The following ARHGEF28 variants were observed in gnomAD, a reference collection of about 807,000 sequenced individuals.
The protein encoded by ARHGEF28 is Rho guanine nucleotide exchange factor 28.
ARHGEF28 carries 152 observed loss-of-function variants against 206.6 expected under a neutral mutation model. The observed-to-expected ratio is 0.74, with a 90% confidence interval of 0.64 to 0.84. The LOEUF is 0.84. ARHGEF28 is among the 40% of genes least tolerant of loss of function. ARHGEF28 has a pLI of 0.00. For missense variants in ARHGEF28, 2,028 were observed against 2,073.2 expected (o/e 0.98, Z 0.42); for synonymous variants, 763 against 776.4 (o/e 0.98, Z 0.29).
At chr5:73,775,028 C>T (rs1356833289) in intron 5 of ARHGEF28, among the ~76,000 whole-genome samples, 2 of 152,240 alleles carry the variant, frequency 1.3e-5, no homozygotes, top group African/African-American at 4.8e-5. Flanking sequence ...ATTTTTGTTT[C>T]TCATTTGATC....
At chr5:73,703,162 C>CA (rs1561344423) in intron 2 of ARHGEF28, among the ~76,000 whole-genome samples, 2 of 152,184 alleles carry the variant, frequency 1.3e-5, no homozygotes, top group Admixed American at 1.3e-4. Flanking sequence ...AGGGAAAGCT[C>CA]AGTCAGTTTA....
intron 35 of ARHGEF28, among the ~76,000 whole-genome samples, chr5:73,916,493 G>C (rs977857956): frequency 6.6e-6 from 1 of 152,136 alleles, no homozygotes; most frequent in Non-Finnish European, 1.5e-5. Flanking sequence ...GGTTTCTTCC[G>C]AGGCCTCTCT....
At chr5:73,901,378 A>T (rs1460054579) in intron 31 of ARHGEF28, 94 bp downstream of exon 31, 2 of 944,420 alleles carry the variant, frequency 2.1e-6, no homozygotes, top group East Asian at 5.4e-5. Context: ...CAGTGGGGCA[A>T]AGGTGCTTTT....
At chr5:73,822,564 C>T (rs1047634647) in intron 9 of ARHGEF28, among the ~76,000 whole-genome samples, 1 of 152,172 alleles carries the variant, frequency 6.6e-6, no homozygotes, top group African/African-American at 2.4e-5. Flanking sequence ...CAGGAAAAAT[C>T]CTAAGAGAAC....
intron 7 of ARHGEF28, 97 bp from the exon 8 acceptor site, chr5:73,794,305 G>T: frequency 2.1e-6 from 2 of 958,022 alleles, no homozygotes; most frequent in Non-Finnish European, 3.2e-6. Context: ...TGTGCAGAAG[G>T]CTCCTGGGCA....
chr5:73,749,693 A>G (rs1259807543), intron 2 of ARHGEF28, 144 bp from the exon 3 acceptor site: 4 of 777,656 alleles, frequency 5.1e-6, no homozygotes, highest in Non-Finnish European at 8.2e-6. Flanking sequence ...TTGTTGTTGG[A>G]AGGAAGCACT....
chr5:73,737,682 T>C (rs920931900), intron 2 of ARHGEF28, among the ~76,000 whole-genome samples: 2 of 151,758 alleles, frequency 1.3e-5, no homozygotes, highest in African/African-American at 4.8e-5. Flanking sequence ...GTCCAGCTAA[T>C]TTTTTGTATT....
At chr5:73,739,804 C>T (rs1391173915) in intron 2 of ARHGEF28, among the ~76,000 whole-genome samples, 1 of 145,852 alleles carries the variant, frequency 6.9e-6, no homozygotes, top group East Asian at 2.0e-4. Context: ...GAACAAGGTC[C>T]TGTCTCTAAT....
intron 1 of ARHGEF28, among the ~76,000 whole-genome samples, chr5:73,665,506 C>T (rs549760433): frequency 2.9e-4 from 44 of 152,172 alleles, no homozygotes; most frequent in African/African-American, 1.0e-3. Flanking sequence ...TTGTCTTAGT[C>T]TGTTTTGTGC....
At chr5:73,895,913 G>A (rs1270806994) in intron 29 of ARHGEF28, among the ~76,000 whole-genome samples, 1 of 152,126 alleles carries the variant, frequency 6.6e-6, no homozygotes, top group Non-Finnish European at 1.5e-5. Context: ...TTATTTCCCA[G>A]TTGAGGAAAC....
intron 2 of ARHGEF28, among the ~76,000 whole-genome samples, chr5:73,748,178 C>T (rs1419298520): frequency 6.6e-6 from 1 of 152,076 alleles, no homozygotes; most frequent in East Asian, 1.9e-4. Flanking sequence ...TCATGTTAGA[C>T]ATTTGTTGTT....
At chr5:73,830,344 A>G (rs7717674) in intron 9 of ARHGEF28, among the ~76,000 whole-genome samples, 108,591 of 151,662 alleles carry the variant, frequency 0.72, 39,190 homozygotes, top group East Asian at 0.93. Flanking sequence ...ACGAGGTCAG[A>G]AGGTCGAGAC....
chr5:73,885,791 C>A, intron 24 of ARHGEF28, 59 bp from the exon 25 acceptor site: 1 of 1,484,272 alleles, frequency 6.7e-7, no homozygotes, highest in Non-Finnish European at 9.0e-7. Flanking sequence ...AGTTTTCTTC[C>A]TTAGTACTCT....
intron 1 of ARHGEF28, among the ~76,000 whole-genome samples, chr5:73,662,967 T>A (rs1033998414): frequency 1.3e-5 from 2 of 152,244 alleles, no homozygotes; most frequent in Non-Finnish European, 2.9e-5. Flanking sequence ...AAAATTGTTA[T>A]TATTTTGAGA....
intron 31 of ARHGEF28, chr5:73,903,638 T>G (rs1762391759): frequency 6.5e-6 from 1 of 154,112 alleles, no homozygotes; most frequent in African/African-American, 2.4e-5. Flanking sequence ...ACTTCTACTA[T>G]GGCAGTCACT....
chr5:73,751,132 A>G (rs1244541573), intron 3 of ARHGEF28, among the ~76,000 whole-genome samples: 2 of 152,236 alleles, frequency 1.3e-5, no homozygotes, highest in African/African-American at 4.8e-5. Flanking sequence ...TTAATGGGCC[A>G]GTCATGGTGG....
chr5:73,799,545 T>C (rs1020607577), intron 9 of ARHGEF28, among the ~76,000 whole-genome samples: 1 of 152,154 alleles, frequency 6.6e-6, no homozygotes, highest in African/African-American at 2.4e-5. Context: ...TCGAATAATA[T>C]GTCAAAGTGT....
chr5:73,674,615 G>A (rs1746542038), intron 1 of ARHGEF28, among the ~76,000 whole-genome samples: 2 of 152,194 alleles, frequency 1.3e-5, no homozygotes, highest in African/African-American at 4.8e-5. Flanking sequence ...CTAATGAGGT[G>A]ACTGGTGGCT....
intron 9 of ARHGEF28, among the ~76,000 whole-genome samples, chr5:73,802,239 G>T (rs886716856): frequency 3.2e-4 from 31 of 97,180 alleles, no homozygotes; most frequent in African/African-American, 1.8e-3. Flanking sequence ...AATTATTTTT[G>T]AACATTAAGA....
Sources: gnomAD v4.1 joint callset for allele counts (sites outside exome capture counted in the v4.1 genomes callset) on GRCh38, gnomAD v4.1.1 for gene constraint, MANE v1.5 for transcripts, NCBI Gene and HGNC (gene_info 2026-07-23, HGNC 2026-07-21) for gene names.